SPATA3: variants seen among roughly 807,000 people sequenced by gnomAD.
SPATA3 encodes spermatogenesis-associated protein 3.
In SPATA3, 6 loss-of-function variants were observed where a neutral mutation model predicts 5.7. That is an observed-to-expected ratio of 1.06 (90% CI 0.58 to 2.09). SPATA3 has a LOEUF of 2.09. Among genes scored for constraint, SPATA3 ranks in the 30% most tolerant of loss-of-function variants. The pLI is 0.00. For missense variants in SPATA3, 155 were observed against 130.4 expected, an observed-to-expected ratio of 1.19 and a Z score of -0.92; for synonymous variants, 44 against 48.4, an observed-to-expected ratio of 0.91 and a Z score of 0.37.
chr2:231,016,191 G>T (rs966346213), intron 6 of SPATA3, among the ~76,000 whole-genome samples: 3 of 152,110 alleles, frequency 2.0e-5, no homozygotes, highest in African/African-American at 7.2e-5. Context: ...AATCTAATGA[G>T]CCAGACAAGC....
At chr2:231,017,937 TTC>T (rs1491161242) in intron 6 of SPATA3, among the ~76,000 whole-genome samples, 71 of 137,678 alleles carry the variant, frequency 5.2e-4, no homozygotes, top group Admixed American at 7.7e-4. Context: ...CTTTTTTTTT[TTC>T]TTTTAGACAG....
At chr2:231,015,773 A>C (rs1452627621) in intron 6 of SPATA3, among the ~76,000 whole-genome samples, 1 of 152,204 alleles carries the variant, frequency 6.6e-6, no homozygotes, top group East Asian at 1.9e-4. Flanking sequence ...ACAAACACAG[A>C]AAGGCCTCAT....
intron 6 of SPATA3, among the ~76,000 whole-genome samples, chr2:231,019,185 G>T (rs541422390): frequency 1.8e-4 from 27 of 151,076 alleles, no homozygotes; most frequent in African/African-American, 5.4e-4. Context: ...TAGCCAGGAT[G>T]GTCTCGATCT....
chr2:231,007,304 T>A (rs959359730), downstream of SPATA3: 1 of 152,062 alleles, frequency 6.6e-6, no homozygotes, highest in East Asian at 1.9e-4. Context: ...CTTTAGCATG[T>A]TTTACTTAGA....
chr2:231,000,619 G>A, intron 2 of SPATA3, 82 bp downstream of exon 2: 2 of 1,271,370 alleles, frequency 1.6e-6, no homozygotes, highest in East Asian at 2.9e-5. Context: ...TAGCAATCAT[G>A]TATCACTTCC....
downstream of SPATA3, among the ~76,000 whole-genome samples, chr2:231,005,480 A>G (rs1574666019): frequency 2.2e-5 from 3 of 135,072 alleles, no homozygotes; most frequent in Admixed American, 7.5e-5. Context: ...CATCATCACC[A>G]CCACCACCAT....
chr2:231,004,323 G>C (rs776200374), downstream of SPATA3, among the ~76,000 whole-genome samples: 1 of 152,172 alleles, frequency 6.6e-6, no homozygotes, highest in Non-Finnish European at 1.5e-5. Context: ...GTGAGATAAG[G>C]TGTTAGAGGA....
At chr2:231,005,226 C>A (rs1203689805), downstream of SPATA3, among the ~76,000 whole-genome samples, 1 of 105,468 alleles carries the variant, frequency 9.5e-6, no homozygotes, top group Non-Finnish European at 2.1e-5. Context: ...ACCATCATCA[C>A]CATCACCATC....
chr2:231,005,517 T>C (rs1383096322), downstream of SPATA3, among the ~76,000 whole-genome samples: 15 of 7,094 alleles, frequency 2.1e-3, no homozygotes, highest in Non-Finnish European at 2.1e-3. Context: ...ACCACCACCA[T>C]CACCACCACC....
chr2:231,012,243 G>A (rs1172228412), downstream of SPATA3, among the ~76,000 whole-genome samples: 2 of 152,178 alleles, frequency 1.3e-5, no homozygotes, highest in Admixed American at 6.5e-5. Flanking sequence ...AAAAAGAAGA[G>A]TTCTGTTCAG....
Position 231,000,310 on chromosome 2 carries a change from C to T in SPATA3, c.791-56C>T, listed in dbSNP as rs141364401. ...TCTCAGACTGTGTTCCAGACTCCCC[C>T]GCCCCAGCCTCCCAGGGCAGGTGCC... On this transcript the variant is annotated intron_variant, in intron 1 of 2. Coordinates refer to ENST00000645363, the Ensembl canonical transcript of SPATA3. 1.3e-3 allele frequency: 1,864 copies of T among 1,388,390 alleles called. 23 individuals carry two copies. The African/African-American group carries it at 0.024, about 18-fold the overall frequency. The allele number at this position is 1,388,390 out of a possible 1,614,324, so 86.0% of individuals were successfully genotyped here. A position where few individuals can be genotyped will look rare whatever the true frequency, so the allele number is the denominator to read the frequency against.
chr2:231,005,483 A>G, downstream of SPATA3, among the ~76,000 whole-genome samples: 1 of 133,832 alleles, frequency 7.5e-6, no homozygotes, highest in Non-Finnish European at 1.6e-5. Context: ...CATCACCACC[A>G]CCACCATCAC....
downstream of SPATA3, among the ~76,000 whole-genome samples, chr2:231,005,133 TCACCACCAC>T (rs150496674): frequency 1.1e-5 from 1 of 92,824 alleles, no homozygotes; most frequent in African/African-American, 4.3e-5. Flanking sequence ...ACCATCATCA[TCACCACCAC>T]CACCATCACC....
At chr2:231,008,023 A>C (rs779204673), downstream of SPATA3, among the ~76,000 whole-genome samples, 1 of 152,050 alleles carries the variant, frequency 6.6e-6, no homozygotes, top group Non-Finnish European at 1.5e-5. Flanking sequence ...AAATAAAAAT[A>C]AAAAAAAGGA....
downstream of SPATA3, among the ~76,000 whole-genome samples, chr2:231,005,004 T>TCGC (rs1439398269): frequency 1.5e-4 from 5 of 33,902 alleles, no homozygotes; most frequent in African/African-American, 8.1e-4. Flanking sequence ...CTCACCATCA[T>TCGC]CACCACCATC....
chr2:231,019,678 G>A (rs1042363397), intron 6 of SPATA3: 2 of 150,726 alleles, frequency 1.3e-5, no homozygotes, highest in Admixed American at 1.3e-4. Context: ...ACATATTTTT[G>A]CCAAGGATTC....
intron 6 of SPATA3, among the ~76,000 whole-genome samples, chr2:231,019,375 G>A (rs1040895449): frequency 6.7e-6 from 1 of 149,058 alleles, no homozygotes; most frequent in South Asian, 2.1e-4. Flanking sequence ...CCAGGCTGGA[G>A]TGCAGTGGTG....
downstream of SPATA3, among the ~76,000 whole-genome samples, chr2:231,011,196 C>A (rs1037127855): frequency 6.6e-6 from 1 of 152,046 alleles, no homozygotes; most frequent in Admixed American, 6.6e-5. Context: ...CTCACTGCAA[C>A]CTCCACCTCC....
intron 6 of SPATA3, among the ~76,000 whole-genome samples, chr2:231,014,719 G>T (rs1428898780): frequency 2.0e-5 from 3 of 152,192 alleles, no homozygotes; most frequent in Non-Finnish European, 4.4e-5. Flanking sequence ...ACAGGCCACA[G>T]TGGGAGCACT....
Sources: allele counts gnomAD v4.1 joint callset (sites outside exome capture counted in the v4.1 genomes callset), GRCh38; gene constraint gnomAD v4.1.1; transcripts MANE v1.5; gene names NCBI Gene and HGNC (gene_info 2026-07-23, HGNC 2026-07-21).